The following SIRPG variants were observed in gnomAD, a reference collection of about 807,000 sequenced individuals.
SIRPG encodes signal-regulatory protein gamma.
SIRPG carries 38 observed loss-of-function variants against 35.7 expected under a neutral mutation model. The ratio of observed to expected loss-of-function variants is 1.06; its 90% CI spans 0.82 to 1.40. The LOEUF (loss-of-function observed/expected upper bound fraction) is 1.40. Ranked by LOEUF, SIRPG falls within the 40% of genes most tolerant of loss-of-function variation. The pLI, the probability that SIRPG is intolerant of heterozygous loss-of-function variation, is 0.00. For missense variants in SIRPG, 519 were observed against 483.0 expected, an observed-to-expected ratio of 1.07 and a Z score of -0.70; for synonymous variants, 215 against 190.4, an observed-to-expected ratio of 1.13 and a Z score of -1.06.
chr20:1,653,676 T>C (rs2091956761), intron 1 of SIRPG, among the ~76,000 whole-genome samples: 1 of 152,166 alleles, frequency 6.6e-6, no homozygotes, highest in East Asian at 1.9e-4. Context: ...CTGTTGCTTC[T>C]ATTAACAGAT....
chr20:1,673,641 A>G, the SIRPG span, among the ~76,000 whole-genome samples: 13,113 of 152,050 alleles, frequency 0.086, 915 homozygotes, highest in African/African-American at 0.19. Context: ...AGGAGCAGAA[A>G]CCACCAAGTG....
Position 1,636,400 on chromosome 20 carries a change from G to A in SIRPG, c.536C>T (p.Thr179Ile). The change falls in exon 3 of 6, where the codon ACC becomes ATC. Residue 179 changes from threonine (T) to isoleucine (I), a missense_variant. Thr to Ile is a moderately conservative substitution (Grantham distance 89, BLOSUM62 -1). Transcript: ENST00000303415. Reference protein sequence around the residue: ...ESHGFSPRDITLKWFKNGNEL... With the variant: ...ESHGFSPRDIILKWFKNGNEL... Reference sequence around the variant, plus strand: ...ATTCCCATTTTTGAACCATTTCAGGGTGATGTCTCTGGGAGAGAAGCCATG... The same window carrying A: ...ATTCCCATTTTTGAACCATTTCAGGATGATGTCTCTGGGAGAGAAGCCATG... The A allele has an allele frequency of 6.2e-7, 1 of 1,614,192 alleles. No homozygotes were observed. Among genetic ancestry groups the A allele is most frequent in the East Asian group, 2.2e-5 (1 of 44,884 alleles).
chr20:1,636,876 G>T (rs1248969838), intron 2 of SIRPG, among the ~76,000 whole-genome samples: 1 of 152,176 alleles, frequency 6.6e-6, no homozygotes, highest in Non-Finnish European at 1.5e-5. Context: ...CTCAGAGAGG[G>T]TGTTTACAGA....
At chr20:1,640,008 G>A (rs2091839548) in intron 2 of SIRPG, among the ~76,000 whole-genome samples, 1 of 152,194 alleles carries the variant, frequency 6.6e-6, no homozygotes, top group African/African-American at 2.4e-5. Flanking sequence ...GTACCATGCT[G>A]TTTTGGTTAC....
At chr20:1,665,635 T>TC in the SIRPG span, among the ~76,000 whole-genome samples, 1 of 152,160 alleles carries the variant, frequency 6.6e-6, no homozygotes. Flanking sequence ...AGAGAGCTTG[T>TC]ACTCAGGTAT....
At chr20:1,685,564 A>C in the SIRPG span, among the ~76,000 whole-genome samples, 17,913 of 152,170 alleles carry the variant, frequency 0.12, 1,174 homozygotes, top group African/African-American at 0.18. Flanking sequence ...CCAAAAGTGC[A>C]AGGAAGTAAA....
intron 1 of SIRPG, among the ~76,000 whole-genome samples, chr20:1,656,796 T>C (rs201560631): frequency 1.3e-5 from 2 of 152,090 alleles, no homozygotes; most frequent in East Asian, 1.9e-4. Flanking sequence ...AACGAATGGG[T>C]TGAAGCCCCA....
chr20:1,644,132 C>A (rs562093377), intron 2 of SIRPG, among the ~76,000 whole-genome samples: 1 of 152,326 alleles, frequency 6.6e-6, no homozygotes, highest in South Asian at 2.1e-4. Flanking sequence ...GAAAAACCCA[C>A]TTATCTGGGC....
the SIRPG span, among the ~76,000 whole-genome samples, chr20:1,663,261 C>T: frequency 3.3e-5 from 5 of 152,174 alleles, no homozygotes; most frequent in African/African-American, 9.6e-5. Context: ...TGCAGTCAGC[C>T]GAGATCGTGC....
the SIRPG span, among the ~76,000 whole-genome samples, chr20:1,676,461 G>A: frequency 0.24 from 36,692 of 152,084 alleles, 5,193 homozygotes; most frequent in East Asian, 0.59. Context: ...TCAAAGAGTG[G>A]AACAGCTCTC....
Position 1,649,332 on chromosome 20 carries a change from A to G in SIRPG, c.150T>C (p.Thr50=). 6.2e-7 allele frequency: 1 copy of G among 1,614,136 alleles called. No individual in the cohort carries two copies. The highest frequency in any genetic ancestry group is 8.5e-7 in the Non-Finnish European group (1 of 1,180,024). The stretch of plus-strand genomic sequence containing the variant: ...GCAGGGAGGTCACAGTGCAGTGCAG[A>G]GTGGCTGTCTTTCCAACTGTGACCA... ...LLLVTVGKTA[T]LHCTVTSLLP... Residue 50 remains threonine, a synonymous_variant, in exon 2 of 6, where the codon ACT becomes ACC. Transcript: ENST00000303415.
the SIRPG span, among the ~76,000 whole-genome samples, chr20:1,665,850 T>C: frequency 6.6e-6 from 1 of 152,202 alleles, no homozygotes; most frequent in East Asian, 1.9e-4. Context: ...TGCTGGGTCT[T>C]GTTGATTTTT....
At chr20:1,668,240 T>C in the SIRPG span, among the ~76,000 whole-genome samples, 10 of 108,934 alleles carry the variant, frequency 9.2e-5, no homozygotes, top group Non-Finnish European at 2.1e-4. Flanking sequence ...TCTTTCTTTC[T>C]TTCTTTCTTT....
At chr20:1,686,054 AAAT>A in the SIRPG span, among the ~76,000 whole-genome samples, 24 of 152,182 alleles carry the variant, frequency 1.6e-4, no homozygotes, top group Non-Finnish European at 3.5e-4. Flanking sequence ...GTAAGGATTT[AAAT>A]AATGATTCTT....
At chr20:1,631,872 T>C (rs1174653263) in intron 4 of SIRPG, among the ~76,000 whole-genome samples, 2 of 149,014 alleles carry the variant, frequency 1.3e-5, no homozygotes, top group Non-Finnish European at 3.0e-5. Context: ...ACTGGGCATA[T>C]TTTTTTTGGG....
the SIRPG span, among the ~76,000 whole-genome samples, chr20:1,682,381 C>T: frequency 6.6e-6 from 1 of 152,184 alleles, no homozygotes; most frequent in African/African-American, 2.4e-5. Flanking sequence ...CTCCATGTGA[C>T]ACACTACATA....
chr20:1,649,262 G>C lies in SIRPG; in HGVS notation c.220C>G (p.Arg74Gly). The change falls in exon 2 of 6, where the codon CGG (arginine) becomes GGG (glycine). Residue 74 changes from arginine to glycine, a missense_variant. Coordinates refer to ENST00000303415, the MANE Select transcript of SIRPG (RefSeq NM_018556.4). ...VLWFRGVGPG[R>G]ELIYNQKEGH... ...TCTTTTTGATTGTAGATTAATTCCC[G>C]GCCTGGTCCAACTCCTCTGAACCAC... 1 of 1,613,934 alleles carries C rather than the reference G, an allele frequency of 6.2e-7. No homozygotes were observed. Among genetic ancestry groups the C allele is most frequent in the Non-Finnish European group, 8.5e-7 (1 of 1,179,992 alleles).
At chr20:1,666,608 C>T in the SIRPG span, 1 of 152,178 alleles carries the variant, frequency 6.6e-6, no homozygotes. Context: ...TCACTGCACT[C>T]CAGCCTGGGC....
intron 3 of SIRPG, 65 bp downstream of exon 3, chr20:1,636,123 C>T: frequency 1.2e-6 from 2 of 1,608,808 alleles, no homozygotes; most frequent in Admixed American, 3.4e-5. Flanking sequence ...GAGCAACAGC[C>T]TGGGGAGAGG....
Sources: gnomAD v4.1 joint callset for allele counts (sites outside exome capture counted in the v4.1 genomes callset) on GRCh38, gnomAD v4.1.1 for gene constraint, MANE v1.5 for transcripts, NCBI Gene and HGNC (gene_info 2026-07-23, HGNC 2026-07-21) for gene names.